DNM3: variants seen among roughly 807,000 people sequenced by gnomAD.
DNM3 encodes the protein dynamin 3.
A neutral mutation model predicts 101.6 loss-of-function variants in DNM3; 47 were observed. The observed-to-expected ratio is 0.46, with a 90% CI of 0.37 to 0.59. The LOEUF is 0.59. Among genes scored for constraint, DNM3 ranks in the 20% least tolerant of loss-of-function variants. DNM3 has a pLI of 0.00. For synonymous variants in DNM3, 385 were observed against 387.9 expected, an observed-to-expected ratio of 0.99 and a Z score of 0.09; for missense variants, 849 against 1,085.7, an observed-to-expected ratio of 0.78 and a Z score of 3.06.
intron 9 of DNM3, among the ~76,000 whole-genome samples, chr1:172,045,503 A>T (rs1424767303): frequency 2.6e-5 from 4 of 152,040 alleles, no homozygotes; most frequent in Non-Finnish European, 1.5e-5. Flanking sequence ...TGCCCTCATG[A>T]TGTAATTACC....
chr1:171,931,205 G>A (rs1424932901), intron 2 of DNM3, among the ~76,000 whole-genome samples: 2 of 152,176 alleles, frequency 1.3e-5, no homozygotes, highest in African/African-American at 4.8e-5. Flanking sequence ...ACTGGAAGAC[G>A]TAACAGTGTT....
At chr1:172,171,605 A>G (rs1035702621) in intron 14 of DNM3, among the ~76,000 whole-genome samples, 1 of 151,764 alleles carries the variant, frequency 6.6e-6, no homozygotes, top group African/African-American at 2.4e-5. Context: ...TATACTGTCT[A>G]CAACTGCTGT....
At chr1:172,166,414 A>G (rs1286055999) in intron 14 of DNM3, among the ~76,000 whole-genome samples, 3 of 152,222 alleles carry the variant, frequency 2.0e-5, no homozygotes, top group East Asian at 3.9e-4. Flanking sequence ...ATATGCTGTA[A>G]TATGAATACA....
At chr1:172,041,727 T>A (rs915639072) in intron 7 of DNM3, among the ~76,000 whole-genome samples, 2 of 152,170 alleles carry the variant, frequency 1.3e-5, no homozygotes, top group Non-Finnish European at 2.9e-5. Flanking sequence ...CTATTTCAAG[T>A]GTTCTTTAAA....
intron 1 of DNM3, among the ~76,000 whole-genome samples, chr1:171,844,008 T>C (rs1246622918): frequency 2.0e-5 from 3 of 152,200 alleles, no homozygotes; most frequent in Admixed American, 1.3e-4. Context: ...CTTAATTATA[T>C]GTAGAGATAA....
At chr1:172,033,391 A>G (rs778664904) in intron 6 of DNM3, 126 bp downstream of exon 6, 139 of 1,083,368 alleles carry the variant, frequency 1.3e-4, no homozygotes, top group Non-Finnish European at 1.7e-4. Flanking sequence ...AATGATAGGG[A>G]TTTTAAAAAT....
chr1:172,257,307 C>T (rs1057333754), intron 15 of DNM3, among the ~76,000 whole-genome samples: 3 of 151,914 alleles, frequency 2.0e-5, no homozygotes, highest in African/African-American at 4.8e-5. Context: ...GGGGAACAGG[C>T]GGGGAGACAA....
At chr1:172,111,550 A>G (rs180938747) in intron 13 of DNM3, among the ~76,000 whole-genome samples, 9 of 152,358 alleles carry the variant, frequency 5.9e-5, no homozygotes, top group Admixed American at 2.6e-4. Context: ...AGGCTTGGCT[A>G]TATTAAGTAA....
intron 2 of DNM3, among the ~76,000 whole-genome samples, chr1:171,923,494 G>A (rs1309478567): frequency 1.3e-5 from 2 of 151,194 alleles, no homozygotes; most frequent in East Asian, 3.9e-4. Context: ...TGAAGCACAA[G>A]ATTTTTTATT....
At chr1:172,156,385 G>A (rs2058340382) in intron 14 of DNM3, among the ~76,000 whole-genome samples, 1 of 152,058 alleles carries the variant, frequency 6.6e-6, no homozygotes, top group Admixed American at 6.6e-5. Flanking sequence ...AGTACTAACA[G>A]ACTGTGGACT....
chr1:171,897,782 C>G (rs1298024770), intron 1 of DNM3, among the ~76,000 whole-genome samples: 1 of 152,096 alleles, frequency 6.6e-6, no homozygotes, highest in Non-Finnish European at 1.5e-5. Context: ...TTCATACAAT[C>G]TGTGTTAACA....
intron 1 of DNM3, 104 bp from the exon 2 acceptor site, chr1:171,921,644 T>C (rs2040179304): frequency 2.3e-6 from 2 of 885,646 alleles, no homozygotes; most frequent in Non-Finnish European, 1.8e-6. Flanking sequence ...AAGCGATACA[T>C]TGAAAGGTTG....
intron 8 of DNM3, among the ~76,000 whole-genome samples, 162 bp from the exon 9 acceptor site, chr1:172,044,223 A>G (rs1346580633): frequency 1.3e-5 from 2 of 152,150 alleles, no homozygotes; most frequent in Non-Finnish European, 2.9e-5. Flanking sequence ...TGTTGCCTTG[A>G]AATTTATATA....
intron 16 of DNM3, among the ~76,000 whole-genome samples, chr1:172,316,203 C>G (rs1399213407): frequency 2.6e-5 from 4 of 151,850 alleles, no homozygotes; most frequent in Non-Finnish European, 5.9e-5. Context: ...GATTTTGTCA[C>G]CACCAGGCCT....
At chr1:172,009,005 TA>T in intron 4 of DNM3, among the ~76,000 whole-genome samples, 2 of 107,722 alleles carry the variant, frequency 1.9e-5, no homozygotes, top group Middle Eastern at 3.9e-3. Flanking sequence ...TATTTATATA[TA>T]ACATGCATGT....
At chr1:171,986,617 T>G (rs1001746942) in intron 2 of DNM3, among the ~76,000 whole-genome samples, 2 of 150,686 alleles carry the variant, frequency 1.3e-5, no homozygotes, top group Admixed American at 6.6e-5. Flanking sequence ...AAGCTACCAA[T>G]AATTGCCACA....
chr1:172,186,140 A>G (rs1558692993), intron 14 of DNM3, among the ~76,000 whole-genome samples: 1 of 152,062 alleles, frequency 6.6e-6, no homozygotes, highest in Non-Finnish European at 1.5e-5. Context: ...AGTTTGGGGG[A>G]TGACAGAACA....
rs2071090991 is a variant in DNM3, at chr1:172,409,511, TC to T, written c.*1671del. On this transcript the variant is annotated 3_prime_UTR_variant, in exon 21 of 21. Coordinates refer to ENST00000627582, the MANE Select transcript of DNM3 (RefSeq NM_015569.5). The stretch of plus-strand genomic sequence containing the variant: ...ATACAAGATTTACATAAAGGTCATT[TC>T]AACTTTTAAGGTTACCAGTGATTGT... The T allele has an allele frequency of 1.0e-6, 1 of 984,310 alleles. No homozygotes were observed. Among genetic ancestry groups the T allele is most frequent in the African/African-American group, 1.7e-5 (1 of 57,204 alleles). The allele number at this position is 984,310 out of a possible 1,614,324, so 61.0% of individuals were successfully genotyped here. A position where few individuals can be genotyped will look rare whatever the true frequency, so the allele number is the denominator to read the frequency against.
chr1:172,237,016 T>C (rs1354689926), intron 14 of DNM3, among the ~76,000 whole-genome samples: 1 of 152,184 alleles, frequency 6.6e-6, no homozygotes, highest in Non-Finnish European at 1.5e-5. Context: ...TTCTAATTCT[T>C]CTACAGCTCT....
Sources: allele counts gnomAD v4.1 joint callset (sites outside exome capture counted in the v4.1 genomes callset), GRCh38; gene constraint gnomAD v4.1.1; transcripts MANE v1.5; gene names NCBI Gene and HGNC (gene_info 2026-07-23, HGNC 2026-07-21).